Variants in SPIDR observed in about 807,000 individuals in gnomAD.
The protein encoded by SPIDR is DNA repair-scaffolding protein.
SPIDR carries 93 observed loss-of-function variants against 104.6 expected under a neutral mutation model. The ratio of observed to expected loss-of-function variants is 0.89; its 90% CI spans 0.75 to 1.06. The LOEUF (loss-of-function observed/expected upper bound fraction) is 1.06. SPIDR is among the 50% of genes least tolerant of loss of function. The pLI is 0.00. For missense variants in SPIDR, 1,154 were observed against 1,111.2 expected, an observed-to-expected ratio of 1.04 and a Z score of -0.55; for synonymous variants, 431 against 416.9, an observed-to-expected ratio of 1.03 and a Z score of -0.41.
At chr8:47,263,275 T>C (rs2032990452) in intron 1 of SPIDR, among the ~76,000 whole-genome samples, 1 of 152,238 alleles carries the variant, frequency 6.6e-6, no homozygotes, top group Non-Finnish European at 1.5e-5. Flanking sequence ...TTGCTCATTA[T>C]TTATCTTATA....
At chr8:47,712,960 T>G in intron 15 of SPIDR, 88 bp downstream of exon 15, 2 of 1,567,232 alleles carry the variant, frequency 1.3e-6, no homozygotes, top group Non-Finnish European at 1.7e-6. Flanking sequence ...GCCTCCTTGT[T>G]GCTTGGACGC....
intron 7 of SPIDR, among the ~76,000 whole-genome samples, chr8:47,420,040 TG>T (rs1204878592): frequency 7.9e-5 from 12 of 152,176 alleles, no homozygotes; most frequent in Non-Finnish European, 1.6e-4. Flanking sequence ...TCCAACTATG[TG>T]GTCAGTTTTG....
intron 5 of SPIDR, among the ~76,000 whole-genome samples, chr8:47,319,132 A>G (rs992759487): frequency 6.6e-6 from 1 of 152,124 alleles, no homozygotes; most frequent in Non-Finnish European, 1.5e-5. Context: ...ATGCTCCAAT[A>G]AAAAGACACA....
At chr8:47,729,135 C>T (rs1476975680) in intron 18 of SPIDR, 88 bp downstream of exon 18, 1 of 1,556,484 alleles carries the variant, frequency 6.4e-7, no homozygotes, top group Non-Finnish European at 8.7e-7. Context: ...GCACGTCCTC[C>T]TGTACGCCTG....
chr8:47,626,066 C>G (rs2066044192), intron 10 of SPIDR, among the ~76,000 whole-genome samples: 1 of 152,058 alleles, frequency 6.6e-6, no homozygotes, highest in Non-Finnish European at 1.5e-5. Flanking sequence ...CAGAACAGAG[C>G]CCTCAGAAAT....
At position 47,595,963 on chromosome 8, in the gene SPIDR, T is replaced by A. The variant is rs761058483; in HGVS notation, c.1250T>A (p.Met417Lys). The change falls in exon 9 of 20, where the codon ATG (methionine) becomes AAG (lysine). Residue 417 changes from methionine to lysine, a missense_variant. Coordinates refer to ENST00000297423, the MANE Select transcript of SPIDR (RefSeq NM_001080394.4). Reference sequence around the variant, plus strand: ...AGAAGAAGCATCTCTTTGGCCCAGATGTTTGTAATTAAGGGTCTAACAAAT... The same window carrying A: ...AGAAGAAGCATCTCTTTGGCCCAGAAGTTTGTAATTAAGGGTCTAACAAAT... ...LPRRSISLAQ[M>K]FVIKGLTNNS... The A allele has an allele frequency of 1.9e-6, 3 of 1,614,002 alleles. No homozygotes were observed. Among genetic ancestry groups the A allele is most frequent in the African/African-American group, 1.3e-5 (1 of 75,020 alleles).
intron 8 of SPIDR, among the ~76,000 whole-genome samples, chr8:47,583,222 C>T (rs1000818534): frequency 5.4e-5 from 8 of 149,434 alleles, no homozygotes; most frequent in South Asian, 2.1e-4. Flanking sequence ...AGGAGAATTG[C>T]GTGAACCCAG....
At chr8:47,450,377 T>G (rs548337584) in intron 8 of SPIDR, among the ~76,000 whole-genome samples, 3 of 152,092 alleles carry the variant, frequency 2.0e-5, no homozygotes, top group Non-Finnish European at 2.9e-5. Flanking sequence ...ATGACATAAA[T>G]CCATTCAGGA....
chr8:47,344,976 A>G (rs1368884176), intron 5 of SPIDR, among the ~76,000 whole-genome samples: 1 of 152,152 alleles, frequency 6.6e-6, no homozygotes, highest in Non-Finnish European at 1.5e-5. Context: ...ATTAGATCCC[A>G]TTTGTCAATT....
intron 10 of SPIDR, among the ~76,000 whole-genome samples, chr8:47,642,444 C>T (rs2069279722): frequency 6.6e-6 from 1 of 151,140 alleles, no homozygotes; most frequent in South Asian, 2.1e-4. Flanking sequence ...AAAAAGAATT[C>T]GACATGTGCT....
At chr8:47,416,069 C>A (rs1326131544) in intron 7 of SPIDR, among the ~76,000 whole-genome samples, 2 of 152,162 alleles carry the variant, frequency 1.3e-5, no homozygotes, top group Non-Finnish European at 2.9e-5. Flanking sequence ...CATGGTGAAA[C>A]CCTGCCTCTA....
chr8:47,511,832 G>T (rs2154376372), intron 8 of SPIDR: 1 of 893,202 alleles, frequency 1.1e-6, no homozygotes, highest in Non-Finnish European at 1.9e-6. Flanking sequence ...CCAACAATCT[G>T]CTGTCCACTT....
Position 47,510,966 on chromosome 8 carries a change from T to G in SPIDR, c.1097+70424T>G, listed in dbSNP as rs2082228135. 6.2e-6 allele frequency: 4 copies of G among 640,924 alleles called. No homozygotes were observed. The Admixed American group carries it at 7.1e-5, about 11-fold the overall frequency. The allele number at this position is 640,924 out of a possible 1,614,324, so 39.7% of individuals were successfully genotyped here. On this transcript the variant is annotated intron_variant, in intron 8 of 19. Coordinates refer to ENST00000297423, the MANE Select transcript of SPIDR (RefSeq NM_001080394.4). ...GTGTACAAGGGGGCAGGAGGGATGA[T>G]CCCCATGGGGCATGGCCACTGGCTG... is the stretch of plus-strand genomic sequence containing the variant.
At chr8:47,553,967 A>G (rs2090958708) in intron 8 of SPIDR, among the ~76,000 whole-genome samples, 1 of 152,032 alleles carries the variant, frequency 6.6e-6, no homozygotes, top group African/African-American at 2.4e-5. Context: ...TTTCCTTCCA[A>G]CAATCAGGAC....
At chr8:47,623,136 G>T (rs1207794774) in intron 10 of SPIDR, among the ~76,000 whole-genome samples, 2 of 152,144 alleles carry the variant, frequency 1.3e-5, no homozygotes, top group Admixed American at 6.5e-5. Flanking sequence ...GCCTCCTCTT[G>T]TAAAGTAAGT....
chr8:47,363,904 A>G lies in SPIDR; in HGVS notation c.526-32472A>G, dbSNP rs143349435. ...ATTTTGGTGGTAGGTAAGGAAAATC[A>G]CATCACTCTCTTCTAGCAAGGTCTA... On this transcript the variant is annotated intron_variant, in intron 5 of 19. Transcript: ENST00000297423. 1.7e-3 allele frequency among the ~76,000 whole-genome samples: 252 copies of G among 150,992 alleles called. 1 individual carries two copies. Among genetic ancestry groups the G allele is most frequent in the African/African-American group, 5.6e-3 (228 of 41,020 alleles).
chr8:47,698,898 C>T (rs1229296487), intron 11 of SPIDR, among the ~76,000 whole-genome samples: 1 of 152,188 alleles, frequency 6.6e-6, no homozygotes, highest in African/African-American at 2.4e-5. Context: ...GCAACAATGG[C>T]CGAACAGGGA....
chr8:47,410,394 T>C (rs1180938040), intron 7 of SPIDR, among the ~76,000 whole-genome samples: 1 of 151,974 alleles, frequency 6.6e-6, no homozygotes, highest in Non-Finnish European at 1.5e-5. Context: ...CTGGGCAAGC[T>C]GATCTCGAAC....
In SPIDR at chr8:47,318,207, A is replaced by G. The variant is rs919249127; in HGVS notation, c.525+24177A>G. 7.4e-3 allele frequency among the ~76,000 whole-genome samples: 1,132 copies of G among 152,262 alleles called. 12 individuals carry two copies. The highest frequency in any genetic ancestry group is 0.026 in the African/African-American group (1,085 of 41,536). On this transcript the variant is annotated intron_variant, in intron 5 of 19. Coordinates refer to ENST00000297423, the MANE Select transcript of SPIDR (RefSeq NM_001080394.4). ...GTTAAAAACCTTGGAAAAAAACGAGACAAATGGCTAACTAGAATAACCAAT... is the reference window on the plus strand; with the variant it reads ...GTTAAAAACCTTGGAAAAAAACGAGGCAAATGGCTAACTAGAATAACCAAT...
Sources: gnomAD v4.1 joint callset for allele counts (sites outside exome capture counted in the v4.1 genomes callset) on GRCh38, gnomAD v4.1.1 for gene constraint, MANE v1.5 for transcripts, NCBI Gene and HGNC (gene_info 2026-07-23, HGNC 2026-07-21) for gene names.